The following PTPRT variants were observed in gnomAD, a reference collection of about 807,000 sequenced individuals.
The protein encoded by PTPRT is protein tyrosine phosphatase receptor type T, also known as receptor-type tyrosine-protein phosphatase T.
In PTPRT, 56 loss-of-function variants were observed where a neutral mutation model predicts 176.8. The ratio of observed to expected loss-of-function variants is 0.32; its 90% CI spans 0.26 to 0.40. PTPRT has a LOEUF of 0.40. Ranked by LOEUF, PTPRT falls within the 10% of genes least tolerant of loss-of-function variation. The probability of loss-of-function intolerance (pLI) is 1.00; values close to 1 mark genes in which losing one functional copy is unlikely to be tolerated. For synonymous variants in PTPRT, 783 were observed against 739.0 expected, an observed-to-expected ratio of 1.06 and a Z score of -0.96; for missense variants, 1,540 against 1,908.2, an observed-to-expected ratio of 0.81 and a Z score of 3.60.
At chr20:42,092,812 G>GA (rs942870849) in intron 27 of PTPRT, among the ~76,000 whole-genome samples, 33 of 152,280 alleles carry the variant, frequency 2.2e-4, no homozygotes, top group African/African-American at 7.5e-4. Flanking sequence ...GGAGAATGAG[G>GA]AGCTTGCCTC....
In PTPRT at chr20:42,733,775, A is replaced by G. The variant is rs144364829; in HGVS notation, c.859+22687T>C. Among the ~76,000 whole-genome samples the G allele has an allele frequency of 4.8e-3, 732 of 152,366 alleles. 9 individuals carry two copies. The highest frequency in any genetic ancestry group is 0.017 in the African/African-American group (706 of 41,596). ...TACACATCTTCACTTCACAGGAAGCAGCATTCCATGGTTTGCACATTGGTC... is the reference window on the plus strand; with the variant it reads ...TACACATCTTCACTTCACAGGAAGCGGCATTCCATGGTTTGCACATTGGTC... On this transcript the variant is annotated intron_variant, in intron 6 of 30. Transcript: ENST00000373187.
At chr20:42,524,199 G>C (rs1214301200) in intron 7 of PTPRT, among the ~76,000 whole-genome samples, 1 of 152,156 alleles carries the variant, frequency 6.6e-6, no homozygotes, top group Non-Finnish European at 1.5e-5. Flanking sequence ...TATAGTCAGT[G>C]TTTATTTAGA....
At chr20:42,252,209 T>C (rs994791811) in intron 13 of PTPRT, among the ~76,000 whole-genome samples, 13 of 152,046 alleles carry the variant, frequency 8.6e-5, no homozygotes, top group Non-Finnish European at 1.5e-4. Context: ...CCAGACACAA[T>C]GGAAAAAGAA....
At chr20:42,609,694 C>G (rs1217004293) in intron 7 of PTPRT, among the ~76,000 whole-genome samples, 1 of 152,142 alleles carries the variant, frequency 6.6e-6, no homozygotes, top group African/African-American at 2.4e-5. Context: ...GCTTCTCTTC[C>G]TCTAGGAGAA....
At position 42,642,420 on chromosome 20, in the gene PTPRT, G is replaced by T. The variant is rs567063557; in HGVS notation, c.1153+35446C>A. 2.2e-4 allele frequency among the ~76,000 whole-genome samples: 34 copies of T among 152,242 alleles called. No homozygotes were observed. In the South Asian group the frequency reaches 7.1e-3, roughly 32 times the overall value. On this transcript the variant is annotated intron_variant, in intron 7 of 30. Transcript: ENST00000373187. ...GTCTCAGTGACTTATTTGTTAAATG[G>T]AGATAAAAATGCCTACATTTGGAGT...
At chr20:42,474,657 G>T (rs2071256111) in intron 7 of PTPRT, among the ~76,000 whole-genome samples, 1 of 152,204 alleles carries the variant, frequency 6.6e-6, no homozygotes. Flanking sequence ...CCCTGTAGCT[G>T]GGGATTATGA....
At chr20:42,274,544 T>C (rs2056994097) in intron 13 of PTPRT, among the ~76,000 whole-genome samples, 1 of 121,538 alleles carries the variant, frequency 8.2e-6, no homozygotes, top group South Asian at 2.4e-4. Context: ...ACAGTGTGTG[T>C]GTGTGTGTGT....
intron 1 of PTPRT, among the ~76,000 whole-genome samples, chr20:43,158,627 A>G (rs1600758001): frequency 6.6e-6 from 1 of 152,326 alleles, no homozygotes; most frequent in Non-Finnish European, 1.5e-5. Context: ...ACCTCACTCC[A>G]GGGCCTGAGC....
intron 12 of PTPRT, among the ~76,000 whole-genome samples, chr20:42,300,446 A>G (rs2057448838): frequency 6.6e-6 from 1 of 151,984 alleles, no homozygotes. Context: ...AGGAAGCACA[A>G]GATTCTGTCA....
At chr20:42,486,215 G>C (rs146933486) in intron 7 of PTPRT, among the ~76,000 whole-genome samples, 2 of 152,156 alleles carry the variant, frequency 1.3e-5, no homozygotes, top group African/African-American at 4.8e-5. Flanking sequence ...CCTAGCACAG[G>C]CTTTTACATA....
At chr20:42,195,676 ATTAT>A (rs1461157826) in intron 16 of PTPRT, among the ~76,000 whole-genome samples, 2 of 152,220 alleles carry the variant, frequency 1.3e-5, no homozygotes, top group African/African-American at 4.8e-5. Context: ...TAAGTCAATC[ATTAT>A]TTAAATATTT....
intron 1 of PTPRT, among the ~76,000 whole-genome samples, chr20:43,117,359 A>G (rs2013099911): frequency 6.6e-6 from 1 of 152,228 alleles, no homozygotes; most frequent in Non-Finnish European, 1.5e-5. Context: ...GTTTGTGTAT[A>G]TTTATGGAAT....
chr20:42,911,095 G>A (rs1258145792), intron 1 of PTPRT, among the ~76,000 whole-genome samples: 1 of 152,130 alleles, frequency 6.6e-6, no homozygotes, highest in Non-Finnish European at 1.5e-5. Context: ...GACACATGGG[G>A]ATTATGGGGA....
intron 1 of PTPRT, among the ~76,000 whole-genome samples, chr20:43,147,979 A>G (rs545528343): frequency 6.6e-6 from 1 of 152,348 alleles, no homozygotes; most frequent in South Asian, 2.1e-4. Flanking sequence ...CTCTATAGCC[A>G]TGATGAGACT....
chr20:42,589,718 G>A lies in PTPRT; in HGVS notation c.1153+88148C>T, dbSNP rs151170645. Among the ~76,000 whole-genome samples, 384 of 152,238 alleles carry A rather than the reference G, an allele frequency of 2.5e-3. 1 individual carries two copies. The highest frequency in any genetic ancestry group is 4.0e-3 in the Non-Finnish European group (275 of 67,998). ...CGACTTCACACCCAGCTAGGCTCTG[G>A]GGGTAGGATGCACACTCACTCCAGC... is the stretch of plus-strand genomic sequence containing the variant. On this transcript the variant is annotated intron_variant, in intron 7 of 30. Transcript: ENST00000373187.
chr20:42,802,528 C>T (rs2145588945), intron 2 of PTPRT, among the ~76,000 whole-genome samples: 1 of 152,328 alleles, frequency 6.6e-6, no homozygotes, highest in Non-Finnish European at 1.5e-5. Flanking sequence ...GAAAATAGCA[C>T]AATAATTATT....
At chr20:42,181,907 AAC>A (rs1990542997) in intron 16 of PTPRT, among the ~76,000 whole-genome samples, 1 of 152,168 alleles carries the variant, frequency 6.6e-6, no homozygotes, top group African/African-American at 2.4e-5. Context: ...ATTAAAAAAA[AAC>A]AACAAGTGGC....
chr20:42,250,482 C>A (rs188420605), intron 13 of PTPRT, among the ~76,000 whole-genome samples: 4 of 151,966 alleles, frequency 2.6e-5, no homozygotes, highest in Non-Finnish European at 4.4e-5. Context: ...CCCTCCAGCA[C>A]ATTGATGCAC....
chr20:43,029,490 G>A (rs1466847426), intron 1 of PTPRT, among the ~76,000 whole-genome samples: 2 of 152,120 alleles, frequency 1.3e-5, no homozygotes, highest in Non-Finnish European at 2.9e-5. Context: ...ACCTTCAATG[G>A]CCATGCATCC....
Sources: gnomAD v4.1 joint callset for allele counts (sites outside exome capture counted in the v4.1 genomes callset) on GRCh38, gnomAD v4.1.1 for gene constraint, MANE v1.5 for transcripts, NCBI Gene and HGNC (gene_info 2026-07-23, HGNC 2026-07-21) for gene names.